Variants in RHBDF1 observed in about 807,000 individuals in gnomAD.
RHBDF1 encodes rhomboid 5 homolog 1.
A neutral mutation model predicts 98.6 loss-of-function variants in RHBDF1; 80 were observed. The observed-to-expected ratio is 0.81, with a 90% CI of 0.68 to 0.98. RHBDF1 has a LOEUF of 0.98. Among genes scored for constraint, RHBDF1 ranks in the 50% least tolerant of loss-of-function variants. The pLI, the probability that RHBDF1 is intolerant of heterozygous loss-of-function variation, is 0.00. For missense variants in RHBDF1, 1,116 were observed against 1,198.3 expected (o/e 0.93, Z 1.01); for synonymous variants, 512 against 486.8 (o/e 1.05, Z -0.68).
At chr16:63,523 C>A (rs1204028708) in intron 4 of RHBDF1, 64 bp downstream of exon 4, 2 of 1,383,768 alleles carry the variant, frequency 1.4e-6, no homozygotes, top group Non-Finnish European at 2.0e-6. Flanking sequence ...CTGGCTGTGT[C>A]CGCAGCCCCA....
Position 62,825 on chromosome 16 carries a change from C to T in RHBDF1, c.745G>A (p.Glu249Lys). 3 of 1,614,036 alleles carry T rather than the reference C, an allele frequency of 1.9e-6. No individual in the cohort carries two copies. The highest frequency in any genetic ancestry group is 2.5e-6 in the Non-Finnish European group (3 of 1,180,016). ...RSFTPASFLE[E>K]DTTDFPDELD... ...TCATCGGGGAAATCAGTTGTGTCCT[C>T]CTCCAGAAAGCTAGCTGGAGTGAAG... is the stretch of plus-strand genomic sequence containing the variant. The change falls in exon 6 of 18, where the codon GAG becomes AAG. Residue 249 changes from glutamate (E) to lysine (K), a missense_variant. Coordinates refer to ENST00000262316, the MANE Select transcript of RHBDF1 (RefSeq NM_022450.5).
intron 1 of RHBDF1, among the ~76,000 whole-genome samples, chr16:66,110 C>A (rs919969373): frequency 2.6e-5 from 4 of 152,236 alleles, no homozygotes; most frequent in Non-Finnish European, 5.9e-5. Context: ...AGTGGAGACC[C>A]AGATTGAGAA....
chr16:62,514 C>G, intron 7 of RHBDF1, 24 bp downstream of exon 7: 1 of 1,608,234 alleles, frequency 6.2e-7, no homozygotes, highest in Non-Finnish European at 8.5e-7. Context: ...CTCTCTGCCC[C>G]TCTTCCCTGC....
intron 1 of RHBDF1, among the ~76,000 whole-genome samples, chr16:68,393 T>C (rs1897883493): frequency 6.6e-6 from 1 of 152,162 alleles, no homozygotes; most frequent in Non-Finnish European, 1.5e-5. Flanking sequence ...GAGCGGCACA[T>C]TGCCCTCCCA....
intron 12 of RHBDF1, 68 bp from the exon 13 acceptor site, chr16:60,347 C>G (rs1205938493): frequency 6.2e-7 from 1 of 1,606,008 alleles, no homozygotes; most frequent in Non-Finnish European, 8.5e-7. Context: ...CCAGCCAAGT[C>G]GCCAACAAGA....
intron 1 of RHBDF1, among the ~76,000 whole-genome samples, chr16:71,108 C>A (rs777652155): frequency 1.5e-4 from 23 of 152,094 alleles, no homozygotes; most frequent in Non-Finnish European, 2.8e-4. Context: ...GCAGGGGAGA[C>A]CTGGACGACT....
upstream of RHBDF1, among the ~76,000 whole-genome samples, chr16:73,111 C>G (rs1052631853): frequency 3.9e-5 from 6 of 152,204 alleles, no homozygotes; most frequent in Non-Finnish European, 8.8e-5. Flanking sequence ...CGATCACTCA[C>G]AATCATACAC....
chr16:60,408 G>C (rs547286401), intron 12 of RHBDF1, 31 bp downstream of exon 12: 1 of 1,605,420 alleles, frequency 6.2e-7, no homozygotes, highest in South Asian at 1.1e-5. Context: ...TGTGGACAAA[G>C]GCAGGTGAGA....
At chr16:68,472 G>A (rs558639471) in intron 1 of RHBDF1, among the ~76,000 whole-genome samples, 30 of 152,284 alleles carry the variant, frequency 2.0e-4, no homozygotes, top group East Asian at 3.9e-4. Context: ...AAAGCCCCTC[G>A]GGGGGATCCA....
In RHBDF1 at chr16:58,210, G is replaced by A; in HGVS notation, c.*130C>T. 2.5e-6 allele frequency: 2 copies of A among 805,288 alleles called. No homozygotes were observed. Among genetic ancestry groups the A allele is most frequent in the African/African-American group, 1.7e-5 (1 of 57,890 alleles). The allele number at this position is 805,288 out of a possible 1,614,324, so 49.9% of individuals were successfully genotyped here. ...ACAGAAGTGAACAAGGCACAAGAAA[G>A]AGGTCTGTGTTCAGGAAACAGGCCA... On this transcript the variant is annotated 3_prime_UTR_variant, in exon 18 of 18. Transcript: ENST00000262316.
At position 58,956 on chromosome 16, in the gene RHBDF1, C is replaced by T; in HGVS notation, c.2148+18G>A. ...CAGGTGCACACGGGAGGATCCCCAC[C>T]CTGAGGGCCAGCCTTACCTCTGCTC... On this transcript the variant is annotated intron_variant, in intron 17 of 17. Transcript: ENST00000262316. 1 of 1,611,814 alleles carries T rather than the reference C, an allele frequency of 6.2e-7. No individual in the cohort carries two copies. Among genetic ancestry groups the T allele is most frequent in the Non-Finnish European group, 8.5e-7 (1 of 1,179,324 alleles).
Position 72,496 on chromosome 16 carries a change from C to G in RHBDF1, c.-25+17G>C, listed in dbSNP as rs1444145436. The G allele has an allele frequency of 2.0e-5, 20 of 978,798 alleles. No individual in the cohort carries two copies. The East Asian group carries it at 9.2e-4, about 45-fold the overall frequency. The allele number at this position is 978,798 out of a possible 1,614,324, so 60.6% of individuals were successfully genotyped here. A position where few individuals can be genotyped will look rare whatever the true frequency, so the allele number is the denominator to read the frequency against. On this transcript the variant is annotated intron_variant, in intron 1 of 17. Coordinates refer to ENST00000262316, the MANE Select transcript of RHBDF1 (RefSeq NM_022450.5). ...GCCCGCCCCCGGAGCCCTGCGCTCC[C>G]GGCCGCGCTCACTCACTGCCGCCGC...
Position 61,823 on chromosome 16 carries a change from G to T in RHBDF1, c.1183C>A (p.Gln395Lys). The T allele has an allele frequency of 6.2e-7, 1 of 1,612,738 alleles. No individual in the cohort carries two copies. ...CTGTGGTCGTCCATGTCCTCGATCT[G>T]GCGCTTGACGAAGCTGTCGATGCGC... ...RKRIDSFVKR[Q>K]IEDMDDHRPF... The change falls in exon 8 of 18, where the codon CAG becomes AAG. Residue 395 changes from glutamine to lysine, a missense_variant. Coordinates refer to ENST00000262316, the MANE Select transcript of RHBDF1 (RefSeq NM_022450.5).
At chr16:59,894 G>A in intron 13 of RHBDF1, 68 bp from the exon 14 acceptor site, 1 of 1,608,536 alleles carries the variant, frequency 6.2e-7, no homozygotes, top group South Asian at 1.1e-5. Flanking sequence ...CCACGTTTGG[G>A]GGTAGAGGCA....
chr16:59,870 C>T (rs1265950286), intron 13 of RHBDF1, 44 bp from the exon 14 acceptor site: 1 of 1,613,344 alleles, frequency 6.2e-7, no homozygotes, highest in East Asian at 2.2e-5. Context: ...CCTCCCCCAA[C>T]CTTTGGCCCC....
At chr16:60,326 T>C (rs1399473568) in intron 12 of RHBDF1, 47 bp from the exon 13 acceptor site, 1 of 1,611,676 alleles carries the variant, frequency 6.2e-7, no homozygotes. Context: ...GCCCCTAGCA[T>C]TGGCACCCTT....
At chr16:67,987 C>T (rs1469101900) in intron 1 of RHBDF1, among the ~76,000 whole-genome samples, 1 of 151,596 alleles carries the variant, frequency 6.6e-6, no homozygotes, top group East Asian at 1.9e-4. Flanking sequence ...GGGACCACAG[C>T]CGGCCCCAGG....
chr16:63,464 T>C, intron 4 of RHBDF1, 123 bp downstream of exon 4: 3 of 863,982 alleles, frequency 3.5e-6, no homozygotes, highest in Non-Finnish European at 5.3e-6. Context: ...GCAGGCTGTC[T>C]GACTGCCCTT....
In RHBDF1 at chr16:58,217, G is replaced by T; in HGVS notation, c.*123C>A. ...TGAACAAGGCACAAGAAAGAGGTCT[G>T]TGTTCAGGAAACAGGCCAGTCCCCA... On this transcript the variant is annotated 3_prime_UTR_variant, in exon 18 of 18. Coordinates refer to ENST00000262316, the MANE Select transcript of RHBDF1 (RefSeq NM_022450.5). 1 of 886,312 alleles carries T rather than the reference G, an allele frequency of 1.1e-6. No homozygotes were observed. The allele number at this position is 886,312 out of a possible 1,614,324, so 54.9% of individuals were successfully genotyped here.
Sources: gnomAD v4.1 joint callset for allele counts (sites outside exome capture counted in the v4.1 genomes callset) on GRCh38, gnomAD v4.1.1 for gene constraint, MANE v1.5 for transcripts, NCBI Gene and HGNC (gene_info 2026-07-23, HGNC 2026-07-21) for gene names.